The following RFX7 variants were observed in gnomAD, a reference collection of about 807,000 sequenced individuals.
RFX7 encodes regulatory factor X7, also known as DNA-binding protein RFX7.
Under a neutral mutation model 111.8 loss-of-function variants are expected in RFX7, and 26 were observed. The observed-to-expected ratio is 0.23, with a 90% CI of 0.17 to 0.32. RFX7 has a LOEUF of 0.32. Among genes scored for constraint, RFX7 ranks in the 10% least tolerant of loss-of-function variants. The pLI is 1.00. For missense variants in RFX7, 1,573 were observed against 1,772.9 expected (o/e 0.89, Z 2.02); for synonymous variants, 624 against 624.4 (o/e 1.00, Z 0.01).
At chr15:56,241,718 T>C (rs980109932) in intron 2 of RFX7, among the ~76,000 whole-genome samples, 1 of 101,036 alleles carries the variant, frequency 9.9e-6, no homozygotes, top group Non-Finnish European at 2.4e-5. Flanking sequence ...GCCTGCTTTC[T>C]GTCACACACA....
At chr15:56,109,845 C>A (rs567816845) in intron 5 of RFX7, among the ~76,000 whole-genome samples, 7 of 152,160 alleles carry the variant, frequency 4.6e-5, no homozygotes, top group African/African-American at 1.4e-4. Flanking sequence ...AGCCCCTCCG[C>A]CCGGCAGCCA....
At chr15:56,193,350 G>A (rs2043117997) in intron 2 of RFX7, 3 of 152,076 alleles carry the variant, frequency 2.0e-5, no homozygotes, top group African/African-American at 7.2e-5. Flanking sequence ...AGCCTCTGAG[G>A]CCATTTTCTA....
At chr15:56,109,347 G>C (rs1418819679) in intron 5 of RFX7, among the ~76,000 whole-genome samples, 1 of 152,264 alleles carries the variant, frequency 6.6e-6, no homozygotes, top group Admixed American at 6.5e-5. Context: ...TTCACTCAGT[G>C]CTCATTGGTG....
intron 5 of RFX7, among the ~76,000 whole-genome samples, chr15:56,112,900 A>G (rs759433406): frequency 2.0e-5 from 3 of 152,232 alleles, no homozygotes; most frequent in Non-Finnish European, 4.4e-5. Flanking sequence ...AATATGAAAA[A>G]AATCTCAACT....
chr15:56,200,154 G>C (rs1292203751), intron 2 of RFX7, among the ~76,000 whole-genome samples: 1 of 152,134 alleles, frequency 6.6e-6, no homozygotes, highest in Non-Finnish European at 1.5e-5. Context: ...TGAACCTTCA[G>C]AGGTAGGTGC....
Position 56,243,294 on chromosome 15 carries a change from A to T in RFX7, c.-2-7T>A. The T allele has an allele frequency of 3.0e-5, 3 of 101,548 alleles. No individual in the cohort carries two copies. Among genetic ancestry groups the T allele is most frequent in the Non-Finnish European group, 5.5e-5 (3 of 54,400 alleles). 6.3% of individuals were successfully genotyped at this position (101,548 alleles called of 1,614,324 possible). On this transcript the variant is annotated splice_region_variant and splice_polypyrimidine_tract_variant and intron_variant, in intron 1 of 9. Coordinates refer to ENST00000559447, the MANE Select transcript of RFX7 (RefSeq NM_022841.7). The stretch of plus-strand genomic sequence containing the variant: ...TGTTGTTCCTCTGCCATCGCTGCAG[A>T]GGGGTGGGAGGGAGGGAGGGAAAGA...
chr15:56,167,682 C>T (rs1321716044), intron 3 of RFX7, among the ~76,000 whole-genome samples: 1 of 152,216 alleles, frequency 6.6e-6, no homozygotes, highest in Non-Finnish European at 1.5e-5. Context: ...TATGCTACTA[C>T]AAATATTTTC....
At chr15:56,111,661 C>CAAAAAAAAAAAAAAAAAAAAAACAAAA (rs371681721) in intron 5 of RFX7, among the ~76,000 whole-genome samples, 4 of 95,572 alleles carry the variant, frequency 4.2e-5, no homozygotes, top group Admixed American at 1.1e-4. Context: ...ATAAATAAAC[C>CAAAAAAAAAAAAAAAAAAAAAACAAAA]AAAAAAAAAA....
In RFX7 at chr15:56,090,597, T is replaced by G. The variant is rs1428453955; in HGVS notation, c.*2748A>C. 2.0e-5 allele frequency: 3 copies of G among 152,566 alleles called. No homozygotes were observed. Among genetic ancestry groups the G allele is most frequent in the Non-Finnish European group, 2.9e-5 (2 of 68,004 alleles). 9.5% of individuals were successfully genotyped at this position (152,566 alleles called of 1,614,324 possible). ...ATTTAAAAAACAATTTTTGAGCACTTTAATAAAAAAAGAGAACTGAAATGC... is the reference window on the plus strand; with the variant it reads ...ATTTAAAAAACAATTTTTGAGCACTGTAATAAAAAAAGAGAACTGAAATGC... On this transcript the variant is annotated 3_prime_UTR_variant, in exon 10 of 10. Coordinates refer to ENST00000559447, the MANE Select transcript of RFX7 (RefSeq NM_022841.7).
At chr15:56,140,018 A>T (rs1441220649) in intron 5 of RFX7, among the ~76,000 whole-genome samples, 1 of 152,058 alleles carries the variant, frequency 6.6e-6, no homozygotes, top group African/African-American at 2.4e-5. Flanking sequence ...GCTCTCTTCA[A>T]AGCTGTCAGA....
At chr15:56,105,149 C>G (rs1321829441) in intron 5 of RFX7, among the ~76,000 whole-genome samples, 2 of 152,144 alleles carry the variant, frequency 1.3e-5, no homozygotes, top group Non-Finnish European at 2.9e-5. Flanking sequence ...GATTCCTCTA[C>G]CTGGAACATT....
intron 2 of RFX7, among the ~76,000 whole-genome samples, chr15:56,241,444 C>A (rs59230019): frequency 0.2 from 30,775 of 152,094 alleles, 3,519 homozygotes; most frequent in East Asian, 0.45. Flanking sequence ...ATACATTACT[C>A]ATTCAACTTT....
At chr15:56,214,177 G>A (rs1567048499) in intron 2 of RFX7, among the ~76,000 whole-genome samples, 1 of 152,054 alleles carries the variant, frequency 6.6e-6, no homozygotes, top group Admixed American at 6.5e-5. Flanking sequence ...CATTTGGTAT[G>A]GCAAGTTCCT....
At chr15:56,209,730 G>A (rs1468505448) in intron 2 of RFX7, among the ~76,000 whole-genome samples, 1 of 152,038 alleles carries the variant, frequency 6.6e-6, no homozygotes, top group African/African-American at 2.4e-5. Context: ...CTGTGAAGCA[G>A]TATGACGTTA....
rs192586138 is a variant in RFX7 at position 56,142,840 on chromosome 15, C to G, written c.339G>C (p.Arg113=). The G allele has an allele frequency of 2.0e-4, 315 of 1,613,518 alleles. 4 individuals carry two copies. The African/African-American group carries it at 2.0e-3, about 10-fold the overall frequency. ...AQQMHAFSWI[R]NTLEEHPETS... is the part of the protein sequence containing the mutation. ...TCTCCGGATGTTCCTCTAGGGTATT[C>G]CGAATCCAGGAAAAGGCATGCATTT... The change falls in exon 5 of 10, where the codon CGG becomes CGC. Residue 113 remains arginine (R), a synonymous_variant. Coordinates refer to ENST00000559447, the MANE Select transcript of RFX7 (RefSeq NM_022841.7).
At chr15:56,244,927 C>T (rs112643568), upstream of RFX7, among the ~76,000 whole-genome samples, 1 of 152,048 alleles carries the variant, frequency 6.6e-6, no homozygotes, top group Non-Finnish European at 1.5e-5. Flanking sequence ...AGGGAGGCTG[C>T]GTGGATGTAG....
At chr15:56,238,770 T>C (rs1156583375) in intron 2 of RFX7, among the ~76,000 whole-genome samples, 1 of 152,188 alleles carries the variant, frequency 6.6e-6, no homozygotes, top group Non-Finnish European at 1.5e-5. Context: ...TTAATACAAG[T>C]TGACTATCTC....
intron 3 of RFX7, among the ~76,000 whole-genome samples, chr15:56,164,966 T>G (rs1474969863): frequency 6.6e-6 from 1 of 152,196 alleles, no homozygotes; most frequent in African/African-American, 2.4e-5. Context: ...GGGACCAGTT[T>G]CACAGAAGAC....
intron 2 of RFX7, among the ~76,000 whole-genome samples, chr15:56,229,320 C>T (rs1163364355): frequency 6.6e-6 from 1 of 152,150 alleles, no homozygotes; most frequent in Non-Finnish European, 1.5e-5. Flanking sequence ...GGTTGGAGTG[C>T]AGTGGCAGGA....
Sources: gnomAD v4.1 joint callset for allele counts (sites outside exome capture counted in the v4.1 genomes callset) on GRCh38, gnomAD v4.1.1 for gene constraint, MANE v1.5 for transcripts, NCBI Gene and HGNC (gene_info 2026-07-23, HGNC 2026-07-21) for gene names.